The following SLC12A3 variants were observed in gnomAD, a reference collection of about 807,000 sequenced individuals.
The protein encoded by SLC12A3 is solute carrier family 12 member 3, also known as Na-Cl cotransporter.
A neutral mutation model predicts 121.0 loss-of-function variants in SLC12A3; 104 were observed. The ratio of observed to expected loss-of-function variants is 0.86; its 90% CI spans 0.73 to 1.01. SLC12A3 has a LOEUF of 1.01. Ranked by LOEUF, SLC12A3 falls within the 50% of genes least tolerant of loss-of-function variation. The probability of loss-of-function intolerance (pLI) is 0.00; values close to 1 mark genes in which losing one functional copy is unlikely to be tolerated. For synonymous variants in SLC12A3, 536 were observed against 533.4 expected (o/e 1.00, Z -0.07); for missense variants, 1,328 against 1,356.3 (o/e 0.98, Z 0.33).
At chr16:56,887,229 GT>G in intron 17 of SLC12A3, 136 bp downstream of exon 17, 2 of 1,004,790 alleles carry the variant, frequency 2.0e-6, no homozygotes, top group Non-Finnish European at 3.0e-6. Flanking sequence ...TTTGAGACTT[GT>G]TTTACTTGTC....
At chr16:56,912,316 A>G (rs983487905) in intron 25 of SLC12A3, among the ~76,000 whole-genome samples, 3 of 152,234 alleles carry the variant, frequency 2.0e-5, no homozygotes, top group Non-Finnish European at 4.4e-5. Flanking sequence ...GATAGTAGAA[A>G]AGTCACTTCC....
intron 14 of SLC12A3, 126 bp from the exon 15 acceptor site, chr16:56,885,139 G>A: frequency 1.4e-6 from 1 of 713,512 alleles, no homozygotes; most frequent in Non-Finnish European, 2.5e-6. Flanking sequence ...CATCCCAGGT[G>A]GCCCTGCTCC....
intron 6 of SLC12A3, among the ~76,000 whole-genome samples, chr16:56,871,227 G>A (rs2055092405): frequency 6.6e-6 from 1 of 152,134 alleles, no homozygotes; most frequent in African/African-American, 2.4e-5. Context: ...CTTCCATCTT[G>A]TGCTCCCTCC....
chr16:56,908,453 T>A (rs2055639197), intron 25 of SLC12A3, among the ~76,000 whole-genome samples: 1 of 151,908 alleles, frequency 6.6e-6, no homozygotes, highest in South Asian at 2.1e-4. Context: ...CTGCAGATAG[T>A]GATATAATTT....
chr16:56,897,075 G>A (rs995200831), intron 22 of SLC12A3, among the ~76,000 whole-genome samples: 34 of 148,100 alleles, frequency 2.3e-4, no homozygotes, highest in African/African-American at 8.8e-4. Context: ...CTGGGCAACT[G>A]AGCAAGACTC....
In SLC12A3 at chr16:56,904,482, T is replaced by C; in HGVS notation, c.2924+20T>C. 1 of 1,611,166 alleles carries C rather than the reference T, an allele frequency of 6.2e-7. No individual in the cohort carries two copies. On this transcript the variant is annotated intron_variant, in intron 25 of 25. Coordinates refer to ENST00000563236, the MANE Select transcript of SLC12A3 (RefSeq NM_001126108.2). The stretch of plus-strand genomic sequence containing the variant: ...CGTCATGTAAGTAGTGCCCGGCTGG[T>C]GGGAGGACCAGTCTGTCCAGAGTCA...
At chr16:56,904,702 A>G in intron 25 of SLC12A3, 2 of 511,232 alleles carry the variant, frequency 3.9e-6, no homozygotes, top group Non-Finnish European at 7.2e-6. Flanking sequence ...GGCATCAGTG[A>G]CCTCCCCTTG....
chr16:56,872,040 C>A (rs1238315055), intron 6 of SLC12A3, among the ~76,000 whole-genome samples: 1 of 151,988 alleles, frequency 6.6e-6, no homozygotes, highest in Non-Finnish European at 1.5e-5. Flanking sequence ...TTAGTAGAGA[C>A]AGAGTTTCCC....
At chr16:56,896,098 G>A (rs1409005243) in intron 22 of SLC12A3, among the ~76,000 whole-genome samples, 1 of 152,234 alleles carries the variant, frequency 6.6e-6, no homozygotes. Flanking sequence ...CCGGGGGTCA[G>A]GGGCCCCTGC....
chr16:56,866,107 T>C (rs1387108808), intron 1 of SLC12A3, among the ~76,000 whole-genome samples: 1 of 151,902 alleles, frequency 6.6e-6, no homozygotes, highest in African/African-American at 2.4e-5. Context: ...TGCCTCAGCC[T>C]CCCGAGTAGC....
rs1567424982 is a variant in SLC12A3 at position 56,867,166 on chromosome 16, GAGA to G, written c.384_386del (p.Lys128del). ...GGAGGGCGAGGCAGGCACCAGCAGC[GAGA>G]AGAACCCCGAGGAGCCAGTGCGCTT... On this transcript the variant is annotated inframe_deletion, in exon 2 of 26. Coordinates refer to ENST00000563236, the MANE Select transcript of SLC12A3 (RefSeq NM_001126108.2). 6.2e-7 allele frequency: 1 copy of G among 1,613,962 alleles called. No individual in the cohort carries two copies.
chr16:56,873,289 C>T (rs936539448), intron 8 of SLC12A3, among the ~76,000 whole-genome samples: 2 of 152,138 alleles, frequency 1.3e-5, no homozygotes, highest in Admixed American at 6.5e-5. Flanking sequence ...CCCTCCTCCA[C>T]GCCTTTGCCT....
intron 25 of SLC12A3, among the ~76,000 whole-genome samples, chr16:56,910,723 G>C (rs1309220333): frequency 6.6e-6 from 1 of 152,200 alleles, no homozygotes; most frequent in Non-Finnish European, 1.5e-5. Context: ...CTTGGCCAGG[G>C]TCTTGCAGAC....
intron 22 of SLC12A3, among the ~76,000 whole-genome samples, chr16:56,896,273 A>C (rs2055460758): frequency 6.6e-6 from 1 of 152,202 alleles, no homozygotes; most frequent in Admixed American, 6.5e-5. Context: ...GTCCTGGTTT[A>C]GCCTTGGCCC....
chr16:56,904,807 G>T, intron 25 of SLC12A3: 1 of 359,380 alleles, frequency 2.8e-6, no homozygotes, highest in South Asian at 2.2e-5. Flanking sequence ...ACTCCTGGTT[G>T]TTCAGGAATT....
intron 16 of SLC12A3, 70 bp downstream of exon 16, chr16:56,886,545 G>T: frequency 7.2e-7 from 1 of 1,385,796 alleles, no homozygotes; most frequent in Non-Finnish European, 1.0e-6. Context: ...AGCACTCTGG[G>T]GAGCCAAGAC....
Position 56,913,804 on chromosome 16 carries a change from A to C in SLC12A3, c.*399A>C. On this transcript the variant is annotated 3_prime_UTR_variant, in exon 26 of 26. Coordinates refer to ENST00000563236, the MANE Select transcript of SLC12A3 (RefSeq NM_001126108.2). ...CTTCCTGGGTGAAAGTTCCTAAATCATGCCCTGCTTCCTCCAATAGGAGAA... is the reference window on the plus strand; with the variant it reads ...CTTCCTGGGTGAAAGTTCCTAAATCCTGCCCTGCTTCCTCCAATAGGAGAA... The C allele has an allele frequency of 3.1e-6, 1 of 322,946 alleles. No individual in the cohort carries two copies. Among genetic ancestry groups the C allele is most frequent in the East Asian group, 8.5e-5 (1 of 11,756 alleles). 20.0% of individuals were successfully genotyped at this position (322,946 alleles called of 1,614,324 possible).
chr16:56,901,008 C>G (rs1192143755), intron 23 of SLC12A3, among the ~76,000 whole-genome samples: 9 of 152,158 alleles, frequency 5.9e-5, no homozygotes, highest in African/African-American at 2.2e-4. Context: ...TGAGACCACT[C>G]TTGCCAGCAT....
rs886052158 is a variant in SLC12A3, at chr16:56,888,018, A to C, written c.2272A>C (p.Ile758Leu). 2 of 1,609,384 alleles carry C rather than the reference A, an allele frequency of 1.2e-6. No individual in the cohort carries two copies. Among genetic ancestry groups the C allele is most frequent in the Non-Finnish European group, 1.7e-6 (2 of 1,176,612 alleles). Reference protein sequence around the residue: ...SAHPATVEDYIGILHDAFDFN... With the variant: ...SAHPATVEDYLGILHDAFDFN... ...TCACCCGGCCACAGTGGAAGACTAC[A>C]TTGGCATCCTCCAGTGAGTCGGGGG... is the stretch of plus-strand genomic sequence containing the variant. Residue 758 changes from isoleucine to leucine, a missense_variant, in exon 18 of 26, where the codon ATT (isoleucine) becomes CTT (leucine). Ile to Leu is a conservative substitution (Grantham distance 5). Coordinates refer to ENST00000563236, the MANE Select transcript of SLC12A3 (RefSeq NM_001126108.2).
Sources: gnomAD v4.1 joint callset for allele counts (sites outside exome capture counted in the v4.1 genomes callset) on GRCh38, gnomAD v4.1.1 for gene constraint, MANE v1.5 for transcripts, NCBI Gene and HGNC (gene_info 2026-07-23, HGNC 2026-07-21) for gene names.